ARHGEF3: variants seen among roughly 807,000 people sequenced by gnomAD.
ARHGEF3 encodes Rho guanine nucleotide exchange factor 3, also known as 59.8 kDA protein.
A neutral mutation model predicts 63.2 loss-of-function variants in ARHGEF3; 28 were observed. The observed-to-expected ratio is 0.44, with a 90% CI of 0.33 to 0.61. The LOEUF (loss-of-function observed/expected upper bound fraction) is 0.61, where lower values mean the gene tolerates loss of function less well. ARHGEF3 is among the 20% of genes least tolerant of loss of function. The pLI, the probability that ARHGEF3 is intolerant of heterozygous loss-of-function variation, is 0.03. For missense variants in ARHGEF3, 533 were observed against 659.3 expected (o/e 0.81, Z 2.10); for synonymous variants, 266 against 254.2 (o/e 1.05, Z -0.44).
intron 1 of ARHGEF3, among the ~76,000 whole-genome samples, chr3:56,798,546 T>G (rs1178563601): frequency 2.7e-5 from 4 of 150,674 alleles, no homozygotes; most frequent in Non-Finnish European, 5.9e-5. Flanking sequence ...CGTTTTTTTT[T>G]TTTTTTTTTT....
chr3:56,738,817 A>C (rs954650594), intron 7 of ARHGEF3, among the ~76,000 whole-genome samples: 1 of 152,128 alleles, frequency 6.6e-6, no homozygotes, highest in Admixed American at 6.6e-5. Context: ...CAGGCCAGGC[A>C]CGGTGGCTCA....
At chr3:56,777,677 C>T (rs1296237692) in intron 1 of ARHGEF3, among the ~76,000 whole-genome samples, 1 of 152,158 alleles carries the variant, frequency 6.6e-6, no homozygotes, top group East Asian at 1.9e-4. Flanking sequence ...CTCATTTTCC[C>T]TGCACTTCCT....
intron 4 of ARHGEF3, among the ~76,000 whole-genome samples, chr3:56,859,380 C>CCGCCT (rs1182324615): frequency 6.6e-6 from 1 of 151,904 alleles, no homozygotes; most frequent in Non-Finnish European, 1.5e-5. Flanking sequence ...ACCTCGTGAT[C>CCGCCT]CGCCTACCTC....
At chr3:56,948,387 C>T (rs1201408636) in intron 3 of ARHGEF3, among the ~76,000 whole-genome samples, 6 of 151,874 alleles carry the variant, frequency 4.0e-5, no homozygotes, top group Non-Finnish European at 1.5e-5. Context: ...ACTAGCAAGA[C>T]TAATAAAGAA....
rs936573010 is a variant in ARHGEF3, at chr3:57,057,278, A to C, written c.-28+21948T>G. Among the ~76,000 whole-genome samples the C allele has an allele frequency of 2.6e-5, 4 of 151,950 alleles. No homozygotes were observed. The East Asian group carries it at 7.7e-4, about 29-fold the overall frequency. On this transcript the variant is annotated intron_variant, in intron 1 of 12. Transcript: ENST00000338458. ...AGGTGCGTGCCACCACACTTGGCTA[A>C]TTTTTGTATTTTTAGTAGAGAGCGG...
rs1203965036 is a variant in ARHGEF3 at position 56,801,695 on chromosome 3, G to C, written c.96+8C>G. ...CCATAGAGGTCCAGGTGCAGGGCGC[G>C]GCCCTACCTCAGCGTCCTTGGCCGG... On this transcript the variant is annotated splice_region_variant and intron_variant, in intron 1 of 9. Transcript: ENST00000296315. 2 of 1,554,986 alleles carry C rather than the reference G, an allele frequency of 1.3e-6. No individual in the cohort carries two copies. Among genetic ancestry groups the C allele is most frequent in the Non-Finnish European group, 1.7e-6 (2 of 1,148,588 alleles).
chr3:56,928,394 GT>G (rs1042367915), intron 3 of ARHGEF3, among the ~76,000 whole-genome samples: 1 of 152,096 alleles, frequency 6.6e-6, no homozygotes, highest in African/African-American at 2.4e-5. Context: ...ATCTGGGTCC[GT>G]TCTGCTCCCA....
intron 7 of ARHGEF3, among the ~76,000 whole-genome samples, chr3:56,740,063 C>A (rs1486165971): frequency 2.0e-5 from 3 of 152,026 alleles, no homozygotes; most frequent in African/African-American, 4.8e-5. Flanking sequence ...CCACGCCCAG[C>A]TAATTTTTGT....
At chr3:56,824,059 T>C (rs138253153) in intron 4 of ARHGEF3, among the ~76,000 whole-genome samples, 178 of 149,052 alleles carry the variant, frequency 1.2e-3, no homozygotes, top group African/African-American at 4.1e-3. Flanking sequence ...CTTCAGGGAG[T>C]TAGTGCAAAC....
At chr3:56,807,105 G>A (rs567163797) in intron 4 of ARHGEF3, among the ~76,000 whole-genome samples, 13 of 152,136 alleles carry the variant, frequency 8.5e-5, no homozygotes, top group Admixed American at 3.3e-4. Flanking sequence ...GGCTGGTCTC[G>A]AACTCCTGAC....
chr3:56,886,050 G>A (rs1245988042), intron 3 of ARHGEF3, among the ~76,000 whole-genome samples: 1 of 152,180 alleles, frequency 6.6e-6, no homozygotes, highest in Non-Finnish European at 1.5e-5. Flanking sequence ...CTGCCCACTA[G>A]TTTGGAGTAA....
intron 1 of ARHGEF3, among the ~76,000 whole-genome samples, chr3:56,774,028 CAGTATCTGGGA>C (rs1437989316): frequency 6.6e-6 from 1 of 152,132 alleles, no homozygotes; most frequent in East Asian, 1.9e-4. Context: ...TCAACAGAGG[CAGTATCTGGGA>C]AGACAGAAAA....
At chr3:56,746,821 T>G (rs2034418005) in intron 6 of ARHGEF3, among the ~76,000 whole-genome samples, 3 of 152,132 alleles carry the variant, frequency 2.0e-5, no homozygotes, top group Admixed American at 2.0e-4. Flanking sequence ...CACCTCTTAT[T>G]GAAATTATTT....
At chr3:56,968,611 G>T (rs112699951) in intron 2 of ARHGEF3, among the ~76,000 whole-genome samples, 1 of 150,480 alleles carries the variant, frequency 6.6e-6, no homozygotes, top group East Asian at 2.0e-4. Flanking sequence ...TTACAGGTGT[G>T]AGCCACCATA....
At chr3:56,995,661 GAGAGAGAGA>G (rs1701953668) in intron 2 of ARHGEF3, among the ~76,000 whole-genome samples, 3 of 128,654 alleles carry the variant, frequency 2.3e-5, no homozygotes, top group African/African-American at 5.6e-5. Flanking sequence ...GAGAGAGAGA[GAGAGAGAGA>G]GAATTTTTTT....
intron 3 of ARHGEF3, among the ~76,000 whole-genome samples, chr3:56,918,972 T>G (rs1290423900): frequency 6.6e-6 from 1 of 152,136 alleles, no homozygotes; most frequent in East Asian, 1.9e-4. Context: ...CCGATCCCAT[T>G]TGCTGGATGC....
chr3:57,063,804 G>A (rs1211640955), intron 1 of ARHGEF3, among the ~76,000 whole-genome samples: 1 of 152,214 alleles, frequency 6.6e-6, no homozygotes, highest in African/African-American at 2.4e-5. Flanking sequence ...TCTGGGGAGA[G>A]GGGAGTGGAA....
intron 1 of ARHGEF3, among the ~76,000 whole-genome samples, chr3:57,056,821 G>A (rs898215633): frequency 2.0e-5 from 3 of 151,950 alleles, no homozygotes; most frequent in Non-Finnish European, 4.4e-5. Context: ...AAAAGACTAT[G>A]GGATTGAAGG....
intron 3 of ARHGEF3, chr3:56,916,521 C>T (rs1475711124): frequency 1.0e-5 from 14 of 1,359,992 alleles, no homozygotes; most frequent in African/African-American, 3.0e-5. Context: ...GGCTGAGAGC[C>T]GCACCAGTCA....
Sources: gnomAD v4.1 joint callset for allele counts (sites outside exome capture counted in the v4.1 genomes callset) on GRCh38, gnomAD v4.1.1 for gene constraint, MANE v1.5 for transcripts, NCBI Gene and HGNC (gene_info 2026-07-23, HGNC 2026-07-21) for gene names.